The following SIK3 variants were observed in gnomAD, a reference collection of about 807,000 sequenced individuals.
SIK3 encodes the protein SIK family kinase 3, also known as serine/threonine-protein kinase SIK3.
Under a neutral mutation model 144.2 loss-of-function variants are expected in SIK3, and 28 were observed. The observed-to-expected ratio is 0.19, with a 90% CI of 0.14 to 0.27. SIK3 has a LOEUF of 0.27. Ranked by LOEUF, SIK3 falls within the 10% of genes least tolerant of loss-of-function variation. SIK3 has a pLI of 1.00. For synonymous variants in SIK3, 686 were observed against 676.3 expected (o/e 1.01, Z -0.22); for missense variants, 1,319 against 1,776.0 (o/e 0.74, Z 4.62).
chr11:116,874,068 C>G lies in SIK3; in HGVS notation c.1428-12G>C, dbSNP rs1237973986. On this transcript the variant is annotated splice_polypyrimidine_tract_variant and intron_variant, in intron 11 of 24. Coordinates refer to ENST00000445177, the MANE Select transcript of SIK3 (RefSeq NM_001366686.3). ...CCATAACTTCCGTGCTGATACAAAA[C>G]AGAATGACAGAGAAGTTTAGTTAAC... is the stretch of plus-strand genomic sequence containing the variant. 3.1e-6 allele frequency: 5 copies of G among 1,611,750 alleles called. No individual in the cohort carries two copies. The African/African-American group carries it at 5.4e-5, about 17-fold the overall frequency.
intron 1 of SIK3, among the ~76,000 whole-genome samples, chr11:117,052,248 T>C (rs139604460): frequency 8.3e-4 from 127 of 152,236 alleles, no homozygotes; most frequent in African/African-American, 2.6e-3. Flanking sequence ...TTGTATATGA[T>C]GGGGTATTTT....
chr11:116,929,873 C>T (rs1035492476), intron 3 of SIK3, among the ~76,000 whole-genome samples: 1 of 152,154 alleles, frequency 6.6e-6, no homozygotes, highest in African/African-American at 2.4e-5. Flanking sequence ...CAGGATTCTG[C>T]AGAGCTTAAA....
At chr11:116,870,474 C>T (rs1438670921) in intron 13 of SIK3, 73 bp from the exon 14 acceptor site, 2 of 1,601,668 alleles carry the variant, frequency 1.2e-6, no homozygotes, top group African/African-American at 1.3e-5. Flanking sequence ...AGTAACTGGG[C>T]TTGGGGCAGG....
At chr11:117,047,134 T>G (rs921118359) in intron 1 of SIK3, among the ~76,000 whole-genome samples, 7 of 152,212 alleles carry the variant, frequency 4.6e-5, no homozygotes, top group Non-Finnish European at 8.8e-5. Context: ...TTATGTTGGA[T>G]TGTGGTATGG....
chr11:117,049,964 A>AG (rs1953153703), intron 1 of SIK3, among the ~76,000 whole-genome samples: 1 of 150,570 alleles, frequency 6.6e-6, no homozygotes, highest in Admixed American at 6.6e-5. Context: ...TGTCTCTTAA[A>AG]AAAAAAATAG....
rs897197485 is a variant in SIK3 at position 117,044,679 on chromosome 11, C to T, written c.273+53464G>A. Among the ~76,000 whole-genome samples, 10 of 151,264 alleles carry T rather than the reference C, an allele frequency of 6.6e-5. 1 individual carries two copies. Among genetic ancestry groups the T allele is most frequent in the Admixed American group, 5.9e-4 (9 of 15,170 alleles). On this transcript the variant is annotated intron_variant, in intron 1 of 24. Coordinates refer to ENST00000445177, the MANE Select transcript of SIK3 (RefSeq NM_001366686.3). ...GGTTTTCTACCTAAAAAAGGCAAAT[C>T]ATCAGCCTTTGGGCAACATAGGGAG...
At chr11:116,908,629 T>C (rs1455672275) in intron 4 of SIK3, among the ~76,000 whole-genome samples, 2 of 151,986 alleles carry the variant, frequency 1.3e-5, no homozygotes, top group South Asian at 2.1e-4. Flanking sequence ...CAAAAGACTA[T>C]TGACAATTGA....
intron 1 of SIK3, among the ~76,000 whole-genome samples, chr11:116,984,532 T>A (rs1227569127): frequency 1.3e-5 from 2 of 152,198 alleles, no homozygotes; most frequent in African/African-American, 4.8e-5. Flanking sequence ...ATGAATAAAC[T>A]CTGGAGCCCA....
At chr11:117,023,621 A>AATATATATATAT (rs1555131639) in intron 1 of SIK3, among the ~76,000 whole-genome samples, 21 of 95,392 alleles carry the variant, frequency 2.2e-4, no homozygotes, top group African/African-American at 7.8e-4. Flanking sequence ...AAAAAAAAAA[A>AATATATATATAT]ATATATATAT....
chr11:117,072,546 T>C (rs959589190), intron 1 of SIK3, among the ~76,000 whole-genome samples: 1 of 152,238 alleles, frequency 6.6e-6, no homozygotes, highest in Non-Finnish European at 1.5e-5. Flanking sequence ...ACCTGGAAAA[T>C]GTGCTAACAT....
intron 1 of SIK3, among the ~76,000 whole-genome samples, chr11:116,986,893 A>T (rs924098695): frequency 2.6e-5 from 4 of 152,198 alleles, no homozygotes; most frequent in African/African-American, 9.7e-5. Context: ...GACAAAAATG[A>T]AAAAGCTAAA....
intron 3 of SIK3, among the ~76,000 whole-genome samples, chr11:116,928,320 A>G (rs767600579): frequency 6.6e-6 from 1 of 152,194 alleles, no homozygotes; most frequent in Non-Finnish European, 1.5e-5. Flanking sequence ...GTGGGATTAG[A>G]AATGTCAGCT....
At chr11:116,883,663 G>A (rs1944662003) in intron 6 of SIK3, among the ~76,000 whole-genome samples, 1 of 152,188 alleles carries the variant, frequency 6.6e-6, no homozygotes, top group Admixed American at 6.5e-5. Flanking sequence ...GCCCGGCATG[G>A]TGGCTCACGC....
In SIK3 at chr11:116,938,628, GAGGA is replaced by G. The variant is rs1480837449; in HGVS notation, c.455-11252_455-11249del. On this transcript the variant is annotated intron_variant, in intron 3 of 24. Coordinates refer to ENST00000445177, the MANE Select transcript of SIK3 (RefSeq NM_001366686.3). ...GAGGAGAGGAGAGGGGAGGGGAGGAGAGGAGAGGAGAGGAGAGGAGAGGAGAGGA... is the reference window on the plus strand; with the variant it reads ...GAGGAGAGGAGAGGGGAGGGGAGGAGGAGGAGAGGAGAGGAGAGGAGAGGA... Among the ~76,000 whole-genome samples the G allele has an allele frequency of 9.0e-3, 268 of 29,914 alleles. 16 individuals carry two copies. The highest frequency in any genetic ancestry group is 0.019 in the African/African-American group (250 of 13,126). 19.6% of individuals were successfully genotyped at this position (29,914 alleles called of 152,430 possible).
chr11:116,849,988 T>C lies in SIK3; in HGVS notation c.3656-705A>G, dbSNP rs1942301999. On this transcript the variant is annotated intron_variant, in intron 21 of 24. Coordinates refer to ENST00000445177, the MANE Select transcript of SIK3 (RefSeq NM_001366686.3). The surrounding 1 kb of genome is among the most constrained non-coding windows in gnomAD (Gnocchi z 4.2). ...CTTACCATGTCCAATTCCAAACCCA[T>C]CCACTTCCCCCATAACCTGCTACTC... 1.3e-5 allele frequency among the ~76,000 whole-genome samples: 2 copies of C among 152,138 alleles called. 1 individual carries two copies. Among genetic ancestry groups the C allele is most frequent in the Admixed American group, 1.3e-4 (2 of 15,260 alleles).
At chr11:117,061,339 G>C (rs1953785141) in intron 1 of SIK3, among the ~76,000 whole-genome samples, 1 of 152,190 alleles carries the variant, frequency 6.6e-6, no homozygotes, top group African/African-American at 2.4e-5. Flanking sequence ...TTGTGTGTGT[G>C]TGTGAGCGAA....
intron 2 of SIK3, among the ~76,000 whole-genome samples, chr11:116,955,451 A>T (rs910199632): frequency 1.3e-5 from 2 of 152,226 alleles, no homozygotes; most frequent in Non-Finnish European, 2.9e-5. Context: ...GCTGCCAGAA[A>T]GCAAAATTAA....
chr11:116,876,825 A>C, intron 7 of SIK3, 99 bp downstream of exon 7: 1 of 928,568 alleles, frequency 1.1e-6, no homozygotes, highest in African/African-American at 1.6e-5. Flanking sequence ...GTTTGTTCCC[A>C]GTGTCCGCCT....
chr11:116,876,308 T>G lies in SIK3; in HGVS notation c.1040A>C (p.Glu347Ala), dbSNP rs1239609176. Residue 347 changes from glutamate (E) to alanine (A), a missense_variant, in exon 8 of 25, where the codon GAG (glutamate) becomes GCG (alanine). Glu to Ala is a moderately radical substitution (Grantham distance 107). Coordinates refer to ENST00000445177, the MANE Select transcript of SIK3 (RefSeq NM_001366686.3). Reference sequence around the variant, plus strand: ...GTCCTCCATGGCCAAGAGGACATCCTCATTCAGGGGGTCCACCTGTCTTTC... The same window carrying G: ...GTCCTCCATGGCCAAGAGGACATCCGCATTCAGGGGGTCCACCTGTCTTTC... ...KEERQVDPLN[E>A]DVLLAMEDMG... is the part of the protein sequence containing the mutation. 6.2e-7 allele frequency: 1 copy of G among 1,614,270 alleles called. No homozygotes were observed. Among genetic ancestry groups the G allele is most frequent in the Admixed American group, 1.7e-5 (1 of 60,032 alleles).
Sources: allele counts gnomAD v4.1 joint callset (sites outside exome capture counted in the v4.1 genomes callset), GRCh38; gene constraint gnomAD v4.1.1; non-coding constraint Gnocchi (gnomAD v3.1); transcripts MANE v1.5; gene names NCBI Gene and HGNC (gene_info 2026-07-23, HGNC 2026-07-21).